The following HIVEP2 variants were observed in gnomAD, a reference collection of about 807,000 sequenced individuals.
The protein encoded by HIVEP2 is HIVEP zinc finger 2.
HIVEP2 carries 14 observed loss-of-function variants against 180.7 expected under a neutral mutation model. That is an observed-to-expected ratio of 0.08 (90% CI 0.05 to 0.12). The LOEUF is 0.12. HIVEP2 is among the 10% of genes least tolerant of loss of function. HIVEP2 has a pLI of 1.00. For missense variants in HIVEP2, 2,579 were observed against 3,008.5 expected (o/e 0.86, Z 3.34); for synonymous variants, 1,184 against 1,136.4 (o/e 1.04, Z -0.84).
chr6:142,907,515 T>A (rs1777296058), intron 1 of HIVEP2, among the ~76,000 whole-genome samples: 2 of 152,358 alleles, frequency 1.3e-5, no homozygotes, highest in South Asian at 4.1e-4. Context: ...TTGCTTACCC[T>A]GAGTCGTACT....
intron 6 of HIVEP2, 142 bp from the exon 7 acceptor site, chr6:142,765,116 G>A (rs1775348881): frequency 1.4e-6 from 1 of 703,290 alleles, no homozygotes; most frequent in Non-Finnish European, 2.2e-6. Context: ...TACGAAGCCT[G>A]TGAAATTTAT....
At chr6:142,780,773 CATGTT>C (rs1775839535) in intron 3 of HIVEP2, among the ~76,000 whole-genome samples, 1 of 152,140 alleles carries the variant, frequency 6.6e-6, no homozygotes, top group South Asian at 2.1e-4. Context: ...CTACTCCACT[CATGTT>C]ATACTGAGGA....
At chr6:142,765,062 A>T in intron 6 of HIVEP2, 88 bp from the exon 7 acceptor site, 1 of 1,221,950 alleles carries the variant, frequency 8.2e-7, no homozygotes, top group African/African-American at 1.5e-5. Flanking sequence ...TGCACGGCAA[A>T]GTTTTATGAG....
Position 142,831,240 on chromosome 6 carries a change from C to T in HIVEP2, c.-528+5695G>A, listed in dbSNP as rs117488481. Among the ~76,000 whole-genome samples the T allele has an allele frequency of 8.3e-4, 126 of 152,310 alleles. 1 individual carries two copies. The East Asian group carries it at 0.018, about 22-fold the overall frequency. ...GGATATGGGAGGAAATCAGAAAGAA[C>T]TTCCTCAGCCTGGGATTCGAGTCTC... On this transcript the variant is annotated intron_variant, in intron 2 of 9. Coordinates refer to ENST00000367603, the MANE Select transcript of HIVEP2 (RefSeq NM_006734.4).
At chr6:142,812,669 T>C (rs1274723782) in intron 2 of HIVEP2, among the ~76,000 whole-genome samples, 2 of 152,040 alleles carry the variant, frequency 1.3e-5, no homozygotes, top group East Asian at 1.9e-4. Context: ...ACCCAGATGA[T>C]AGAATTAGTA....
At chr6:142,825,370 C>T (rs1368238681) in intron 2 of HIVEP2, among the ~76,000 whole-genome samples, 1 of 152,078 alleles carries the variant, frequency 6.6e-6, no homozygotes, top group Non-Finnish European at 1.5e-5. Context: ...GGTTGAGTTG[C>T]TTGCCCAAGC....
chr6:142,905,944 G>T (rs902472070), intron 1 of HIVEP2, among the ~76,000 whole-genome samples: 1 of 152,082 alleles, frequency 6.6e-6, no homozygotes, highest in African/African-American at 2.4e-5. Flanking sequence ...GACCAACCTG[G>T]CCAACGTGGC....
At position 142,772,915 on chromosome 6, in the gene HIVEP2, G is replaced by A. The variant is rs368746943; in HGVS notation, c.1824C>T (p.Val608=). The A allele has an allele frequency of 3.0e-5, 48 of 1,614,016 alleles. No individual in the cohort carries two copies. Among genetic ancestry groups the A allele is most frequent in the African/African-American group, 1.7e-4 (13 of 74,900 alleles). Residue 608 remains valine (V), a synonymous_variant, in exon 5 of 10, where the codon GTC becomes GTT. Coordinates refer to ENST00000367603, the MANE Select transcript of HIVEP2 (RefSeq NM_006734.4). The surrounding 1 kb of genome is among the most constrained non-coding windows in gnomAD (Gnocchi z 4.9). ...LPSVQEGHVE[V]EHHGRMLKGI... is the part of the protein sequence containing the mutation. ...CCTTCAACATCCTGCCATGGTGCTCGACTTCCACGTGGCCCTCCTGTACCG... is the reference window on the plus strand; with the variant it reads ...CCTTCAACATCCTGCCATGGTGCTCAACTTCCACGTGGCCCTCCTGTACCG...
rs568499290 is a variant in HIVEP2 at position 142,834,005 on chromosome 6, A to G, written c.-528+2930T>C. Among the ~76,000 whole-genome samples, 25 of 152,350 alleles carry G rather than the reference A, an allele frequency of 1.6e-4. No homozygotes were observed. In the South Asian group the frequency reaches 2.1e-3, roughly 13 times the overall value. Reference sequence around the variant, plus strand: ...AATAGGAAACATTTTGAAGGCCACAATATACTGAAACTTAAAGGTCTACTC... The same window carrying G: ...AATAGGAAACATTTTGAAGGCCACAGTATACTGAAACTTAAAGGTCTACTC... On this transcript the variant is annotated intron_variant, in intron 2 of 9. Coordinates refer to ENST00000367603, the MANE Select transcript of HIVEP2 (RefSeq NM_006734.4).
chr6:142,754,540 C>T (rs529093795), intron 9 of HIVEP2, among the ~76,000 whole-genome samples: 1 of 152,290 alleles, frequency 6.6e-6, no homozygotes, highest in East Asian at 1.9e-4. Flanking sequence ...GGAATGCATT[C>T]CTGCTAAGAG....
intron 1 of HIVEP2, among the ~76,000 whole-genome samples, chr6:142,907,433 A>G (rs940639756): frequency 1.3e-5 from 2 of 152,210 alleles, no homozygotes; most frequent in Admixed American, 6.5e-5. Flanking sequence ...TTTTTAGAGA[A>G]TTTGGGGGAA....
At chr6:142,869,210 G>C (rs1776223138) in intron 1 of HIVEP2, among the ~76,000 whole-genome samples, 2 of 152,268 alleles carry the variant, frequency 1.3e-5, no homozygotes, top group South Asian at 4.1e-4. Flanking sequence ...ACAATGCCAA[G>C]GTTGAGAAAT....
At chr6:142,796,649 T>C (rs912822862) in intron 2 of HIVEP2, among the ~76,000 whole-genome samples, 1 of 152,208 alleles carries the variant, frequency 6.6e-6, no homozygotes, top group African/African-American at 2.4e-5. Context: ...CTTTTTCTAA[T>C]GTCATGACTT....
At chr6:142,887,963 A>AC (rs371164112) in intron 1 of HIVEP2, among the ~76,000 whole-genome samples, 169 of 151,882 alleles carry the variant, frequency 1.1e-3, no homozygotes, top group African/African-American at 3.9e-3. Flanking sequence ...ATGCAGCAAA[A>AC]AAAAAAAAAA....
rs1680978437 is a variant in HIVEP2 at position 142,773,110 on chromosome 6, G to A, written c.1629C>T (p.Ser543=). The change falls in exon 5 of 10, where the codon AGC becomes AGT. Residue 543 remains serine (S), a synonymous_variant. Coordinates refer to ENST00000367603, the MANE Select transcript of HIVEP2 (RefSeq NM_006734.4). ...APVDSSPLIR[S]NSVPTSSATN... ...TTGCTGAAGAAGTTGGCACTGAGTTGCTTCTAATAAGGGGTGAAGAGTCTA... is the reference window on the plus strand; with the variant it reads ...TTGCTGAAGAAGTTGGCACTGAGTTACTTCTAATAAGGGGTGAAGAGTCTA... 1 of 1,614,224 alleles carries A rather than the reference G, an allele frequency of 6.2e-7. No individual in the cohort carries two copies. The highest frequency in any genetic ancestry group is 8.5e-7 in the Non-Finnish European group (1 of 1,180,036).
intron 1 of HIVEP2, among the ~76,000 whole-genome samples, chr6:142,919,419 G>T (rs1313809052): frequency 6.6e-6 from 1 of 152,014 alleles, no homozygotes; most frequent in Non-Finnish European, 1.5e-5. Context: ...ATTCTTATTG[G>T]ATAGGTAAGG....
chr6:142,760,003 T>G lies in HIVEP2; in HGVS notation c.6285A>C (p.Ala2095=). ...MRHLSPRKEA[A]LRREMSQRDV... ...CTCTTTGGGACATCTCTCTTCTCAA[T>G]GCAGCTTCCTTTCTTGGTGAAAGAT... is the stretch of plus-strand genomic sequence containing the variant. Residue 2095 remains alanine (A), a synonymous_variant, in exon 9 of 10, where the codon GCA becomes GCC. Coordinates refer to ENST00000367603, the MANE Select transcript of HIVEP2 (RefSeq NM_006734.4). 1 of 1,614,066 alleles carries G rather than the reference T, an allele frequency of 6.2e-7. No individual in the cohort carries two copies. The highest frequency in any genetic ancestry group is 1.3e-5 in the African/African-American group (1 of 75,036).
chr6:142,815,229 A>G (rs1389003534), intron 2 of HIVEP2, among the ~76,000 whole-genome samples: 1 of 151,942 alleles, frequency 6.6e-6, no homozygotes, highest in Admixed American at 6.6e-5. Context: ...TTTGGGGGGG[A>G]CACATTCAAA....
chr6:142,823,588 C>A (rs537904299), intron 2 of HIVEP2, among the ~76,000 whole-genome samples: 1 of 152,346 alleles, frequency 6.6e-6, no homozygotes, highest in East Asian at 1.9e-4. Flanking sequence ...ACAAGTGTAA[C>A]CATGCCAAGC....
Sources: gnomAD v4.1 joint callset for allele counts (sites outside exome capture counted in the v4.1 genomes callset) on GRCh38, gnomAD v4.1.1 for gene constraint, Gnocchi (gnomAD v3.1) non-coding constraint, MANE v1.5 for transcripts, NCBI Gene and HGNC (gene_info 2026-07-23, HGNC 2026-07-21) for gene names.